Variants in TMEM63A observed in about 807,000 individuals in gnomAD.
The protein encoded by TMEM63A is transmembrane protein 63A, also known as mechanosensitive cation channel TMEM63A.
TMEM63A carries 76 observed loss-of-function variants against 100.6 expected under a neutral mutation model. The ratio of observed to expected loss-of-function variants is 0.76; its 90% CI spans 0.63 to 0.91. TMEM63A has a LOEUF of 0.91. TMEM63A is among the 40% of genes least tolerant of loss of function. The pLI is 0.00. For synonymous variants in TMEM63A, 401 were observed against 401.1 expected, an observed-to-expected ratio of 1.00 and a Z score of 0.00; for missense variants, 876 against 1,008.8, an observed-to-expected ratio of 0.87 and a Z score of 1.78.
intron 6 of TMEM63A, among the ~76,000 whole-genome samples, chr1:225,870,866 C>A (rs1311218408): frequency 6.6e-6 from 1 of 152,222 alleles, no homozygotes; most frequent in Non-Finnish European, 1.5e-5. Context: ...AGGCTCCAAT[C>A]CTACAGGCCT....
chr1:225,849,962 G>A lies in TMEM63A; in HGVS notation c.2021C>T (p.Ala674Val). The stretch of plus-strand genomic sequence containing the variant: ...GAGCCAGAAGAGGCACAGGATGGGG[G>A]CTGCCAAGGCCTGGTTCACAGCGGC... Reference protein sequence around the residue: ...HFAAVNQALAAPILCLFWLYF... With the variant: ...HFAAVNQALAVPILCLFWLYF... Residue 674 changes from alanine to valine, a missense_variant, in exon 21 of 25, where the codon GCC (alanine) becomes GTC (valine). By Grantham distance (64) the Ala-to-Val change is moderately conservative. Transcript: ENST00000366835. 2 of 1,614,252 alleles carry A rather than the reference G, an allele frequency of 1.2e-6. No individual in the cohort carries two copies. The highest frequency in any genetic ancestry group is 1.7e-6 in the Non-Finnish European group (2 of 1,180,046).
downstream of TMEM63A, among the ~76,000 whole-genome samples, chr1:225,843,426 G>A (rs1193387514): frequency 6.6e-6 from 1 of 152,208 alleles, no homozygotes; most frequent in African/African-American, 2.4e-5. Context: ...CATTCCTGCA[G>A]GCAGGTCCTC....
intron 20 of TMEM63A, among the ~76,000 whole-genome samples, chr1:225,850,853 G>A (rs532463410): frequency 4.6e-5 from 7 of 151,914 alleles, no homozygotes; most frequent in Non-Finnish European, 8.8e-5. Context: ...CTGGGACTAC[G>A]GGCGCCTGAC....
At position 225,871,127 on chromosome 1, in the gene TMEM63A, G is replaced by A. The variant is rs770082599; in HGVS notation, c.334-14C>T. ...GGGACAGCATCCCTGGAAACGGAGAGAACAGGGATTAGCTTCCAACATTTG... is the reference window on the plus strand; with the variant it reads ...GGGACAGCATCCCTGGAAACGGAGAAAACAGGGATTAGCTTCCAACATTTG... On this transcript the variant is annotated splice_polypyrimidine_tract_variant and intron_variant, in intron 5 of 24. Coordinates refer to ENST00000366835, the MANE Select transcript of TMEM63A (RefSeq NM_014698.3). The A allele has an allele frequency of 1.2e-6, 2 of 1,613,132 alleles. No individual in the cohort carries two copies. Among genetic ancestry groups the A allele is most frequent in the South Asian group, 1.1e-5 (1 of 91,008 alleles).
At chr1:225,877,791 G>A (rs1041382891) in intron 2 of TMEM63A, 197 bp from the exon 3 acceptor site, 4 of 537,594 alleles carry the variant, frequency 7.4e-6, no homozygotes, top group African/African-American at 5.7e-5. Flanking sequence ...GCTGCATTGT[G>A]GGACAATCTC....
chr1:225,871,448 A>G, intron 5 of TMEM63A: 1 of 286,510 alleles, frequency 3.5e-6, no homozygotes, highest in South Asian at 5.3e-5. Context: ...AGAGGAAACA[A>G]GCCTAATGGA....
chr1:225,845,105 G>A (rs1356593938), downstream of TMEM63A: 3 of 1,610,390 alleles, frequency 1.9e-6, no homozygotes, highest in Non-Finnish European at 2.5e-6. Flanking sequence ...GAGGGGCGCA[G>A]GGCCACAGCC....
chr1:225,856,247 CA>C, intron 17 of TMEM63A, among the ~76,000 whole-genome samples: 1 of 151,430 alleles, frequency 6.6e-6, no homozygotes, highest in East Asian at 2.0e-4. Context: ...TGGGCTCAAG[CA>C]ATCTGCCCAC....
chr1:225,845,195 T>C (rs2234700), downstream of TMEM63A: 4,819 of 1,614,128 alleles, frequency 3.0e-3, 119 homozygotes, highest in African/African-American at 0.051. Context: ...TTTTGAGCTA[T>C]TGCACACGCC....
chr1:225,858,290 A>G (rs537850875), intron 15 of TMEM63A, among the ~76,000 whole-genome samples: 2 of 149,838 alleles, frequency 1.3e-5, no homozygotes, highest in South Asian at 2.1e-4. Flanking sequence ...ATTTTTGAAA[A>G]TCGTTCATTA....
Position 225,865,665 on chromosome 1 carries a change from GGCTGCTT to G in TMEM63A, c.746+225_746+231del. The G allele has an allele frequency of 1.8e-6, 1 of 541,438 alleles. No homozygotes were observed. 33.5% of individuals were successfully genotyped at this position (541,438 alleles called of 1,614,324 possible). ...GTCTGTGCTCTGGACACTGTGCACA[GGCTGCTT>G]GAAGAGGATAGGCCACCAGGGCGCT... is the stretch of plus-strand genomic sequence containing the variant. On this transcript the variant is annotated intron_variant, in intron 10 of 24. Transcript: ENST00000366835. This position sits in a 1 kb window ranked among gnomAD's most constrained non-coding sequence, Gnocchi z 4.6.
intron 20 of TMEM63A, among the ~76,000 whole-genome samples, chr1:225,850,852 C>T (rs747900442): frequency 1.2e-4 from 19 of 152,148 alleles, no homozygotes; most frequent in Non-Finnish European, 2.1e-4. Context: ...GCTGGGACTA[C>T]GGGCGCCTGA....
At position 225,848,907 on chromosome 1, in the gene TMEM63A, A is replaced by C; in HGVS notation, c.2177T>G (p.Leu726Arg). The C allele has an allele frequency of 1.9e-6, 3 of 1,589,974 alleles. No individual in the cohort carries two copies. Among genetic ancestry groups the C allele is most frequent in the Non-Finnish European group, 2.6e-6 (3 of 1,168,980 alleles). Reference protein sequence around the residue: ...CFGCFKHLSPLNYKTEEPASD... With the variant: ...CFGCFKHLSPRNYKTEEPASD... ...GTCGGGGGCCTTTACTTTGTAGTTCAGAGGGCTGAGGTGCTTGAAGCATCC... is the reference window on the plus strand; with the variant it reads ...GTCGGGGGCCTTTACTTTGTAGTTCCGAGGGCTGAGGTGCTTGAAGCATCC... The change falls in exon 22 of 25, where the codon CTG becomes CGG. Residue 726 changes from leucine (L) to arginine (R), a missense_variant. Around this residue, in one of 5 missense-constraint regions of TMEM63A, gnomAD observed 339 missense variants for 342.3 expected, o/e 0.99. Transcript: ENST00000366835.
chr1:225,866,049 C>G, intron 9 of TMEM63A, 82 bp from the exon 10 acceptor site: 1 of 1,427,072 alleles, frequency 7.0e-7, no homozygotes. Context: ...CAACTCCAGC[C>G]TCTGGAAAGT....
chr1:225,866,053 G>A (rs1670191102), intron 9 of TMEM63A, 86 bp from the exon 10 acceptor site: 4 of 1,400,922 alleles, frequency 2.9e-6, no homozygotes, highest in Admixed American at 1.9e-5. Context: ...TCCAGCCTCT[G>A]GAAAGTAAAC....
chr1:225,844,267 G>T (rs1668707230), downstream of TMEM63A, among the ~76,000 whole-genome samples: 1 of 151,686 alleles, frequency 6.6e-6, no homozygotes, highest in African/African-American at 2.4e-5. Context: ...GGCAAGGTGG[G>T]TGGGGGGAGG....
chr1:225,879,482 C>G (rs1241506059), intron 1 of TMEM63A, 72 bp from the exon 2 acceptor site: 1 of 152,320 alleles, frequency 6.6e-6, no homozygotes, highest in African/African-American at 2.4e-5. Flanking sequence ...GATGGAAACC[C>G]TCCAGCACAC....
At chr1:225,851,382 T>C (rs1669333191) in intron 20 of TMEM63A, among the ~76,000 whole-genome samples, 1 of 152,110 alleles carries the variant, frequency 6.6e-6, no homozygotes, top group Non-Finnish European at 1.5e-5. Flanking sequence ...TATTTTTTAT[T>C]TTTTTTGAGA....
chr1:225,845,171 TTC>T (rs1668849327), downstream of TMEM63A: 1 of 1,614,192 alleles, frequency 6.2e-7, no homozygotes, highest in South Asian at 1.1e-5. Context: ...GCCCACTGGC[TTC>T]TCTGCCTTCC....
Sources: gnomAD v4.1 joint callset for allele counts (sites outside exome capture counted in the v4.1 genomes callset) on GRCh38, gnomAD v4.1.1 for gene constraint, gnomAD v4.1.1 regional missense constraint, Gnocchi (gnomAD v3.1) non-coding constraint, MANE v1.5 for transcripts, NCBI Gene and HGNC (gene_info 2026-07-23, HGNC 2026-07-21) for gene names.